Variants in MCM8 observed in about 807,000 individuals in gnomAD.
MCM8 encodes the protein minichromosome maintenance 8 homologous recombination repair factor.
A neutral mutation model predicts 98.9 loss-of-function variants in MCM8; 85 were observed. The ratio of observed to expected loss-of-function variants is 0.86; its 90% CI spans 0.72 to 1.03. The LOEUF is 1.03. Ranked by LOEUF, MCM8 falls within the 50% of genes least tolerant of loss-of-function variation. The pLI, the probability that MCM8 is intolerant of heterozygous loss-of-function variation, is 0.00. For missense variants in MCM8, 951 were observed against 997.8 expected, an observed-to-expected ratio of 0.95 and a Z score of 0.63; for synonymous variants, 352 against 338.6, an observed-to-expected ratio of 1.04 and a Z score of -0.44.
intron 13 of MCM8, among the ~76,000 whole-genome samples, chr20:5,979,518 A>G (rs1055525013): frequency 6.6e-6 from 1 of 152,172 alleles, no homozygotes; most frequent in Non-Finnish European, 1.5e-5. Context: ...TTTCAAATCT[A>G]TTTTCACAGT....
rs1299238831 is a variant in MCM8, at chr20:5,986,134, T to C, written c.2163+3T>C. 6.2e-7 allele frequency: 1 copy of C among 1,613,830 alleles called. No individual in the cohort carries two copies. Among genetic ancestry groups the C allele is most frequent in the Non-Finnish European group, 8.5e-7 (1 of 1,179,896 alleles). ...AATCTTTGATTCGTCTGACAGAGGT[T>C]TGTTTCTTTTTATGGTCATGCTTTT... On this transcript the variant is annotated splice_donor_region_variant and intron_variant, in intron 16 of 18. Coordinates refer to ENST00000610722, the MANE Select transcript of MCM8 (RefSeq NM_032485.6).
intron 8 of MCM8, among the ~76,000 whole-genome samples, chr20:5,964,864 C>G (rs968000585): frequency 8.5e-5 from 13 of 152,162 alleles, no homozygotes; most frequent in African/African-American, 2.4e-4. Context: ...GCTTTAATAA[C>G]ATGTGCATGT....
At position 5,962,352 on chromosome 20, in the gene MCM8, C is replaced by CTTTTTTTTTTTTT. The variant is rs926577182; in HGVS notation, c.790-901_790-889dup. Among the ~76,000 whole-genome samples, 5 of 40,580 alleles carry CTTTTTTTTTTTTT rather than the reference C, an allele frequency of 1.2e-4. 2 individuals carry two copies. Among genetic ancestry groups the CTTTTTTTTTTTTT allele is most frequent in the Non-Finnish European group, 1.4e-4 (4 of 28,264 alleles). 26.6% of individuals were successfully genotyped at this position (40,580 alleles called of 152,430 possible). On this transcript the variant is annotated intron_variant, in intron 7 of 18. Coordinates refer to ENST00000610722, the MANE Select transcript of MCM8 (RefSeq NM_032485.6). ...CAGGAGAAGGAATTAGCCTTCATTTCTTTTTTTTTTTTTTTTTTTTTTTTT... is the reference window on the plus strand; with the variant it reads ...CAGGAGAAGGAATTAGCCTTCATTTCTTTTTTTTTTTTTTTTTTTTTTTTTTTTTTTTTTTTTT...
chr20:5,994,768 G>C lies in MCM8; in HGVS notation c.*377G>C. On this transcript the variant is annotated 3_prime_UTR_variant, in exon 19 of 19. Transcript: ENST00000610722. The stretch of plus-strand genomic sequence containing the variant: ...AAAAAAAAAATTTAAACTTAGCTGG[G>C]TATGGTGGCACATGCCTATAGTCTC... The C allele has an allele frequency of 2.2e-6, 1 of 450,034 alleles. No homozygotes were observed. The highest frequency in any genetic ancestry group is 1.6e-5 in the South Asian group (1 of 63,608). The allele number at this position is 450,034 out of a possible 1,614,324, so 27.9% of individuals were successfully genotyped here. A position where few individuals can be genotyped will look rare whatever the true frequency, so the allele number is the denominator to read the frequency against.
rs1040505228 is a variant in MCM8 at position 5,950,715 on chromosome 20, C to T, written c.-314C>T. 3.6e-6 allele frequency: 1 copy of T among 276,944 alleles called. No individual in the cohort carries two copies. The highest frequency in any genetic ancestry group is 6.9e-6 in the Non-Finnish European group (1 of 145,498). 17.2% of individuals were successfully genotyped at this position (276,944 alleles called of 1,614,324 possible). A position where few individuals can be genotyped will look rare whatever the true frequency, so the allele number is the denominator to read the frequency against. ...AATTTAGGGGAAGACCTGATTTTCG[C>T]TTGAGGCATTTTTGCGGCGCTGTGC... On this transcript the variant is annotated 5_prime_UTR_variant, in exon 1 of 19. Coordinates refer to ENST00000610722, the MANE Select transcript of MCM8 (RefSeq NM_032485.6).
intron 16 of MCM8, among the ~76,000 whole-genome samples, chr20:5,986,504 C>G (rs761868375): frequency 7.9e-5 from 12 of 152,146 alleles, no homozygotes; most frequent in Non-Finnish European, 1.6e-4. Flanking sequence ...TTTTACATGA[C>G]AGGTCCACAA....
chr20:5,950,723 A>AT lies in MCM8; in HGVS notation c.-301dup, dbSNP rs1256873671. On this transcript the variant is annotated 5_prime_UTR_variant, in exon 1 of 19. Coordinates refer to ENST00000610722, the MANE Select transcript of MCM8 (RefSeq NM_032485.6). ...GGAAGACCTGATTTTCGCTTGAGGC[A>AT]TTTTTGCGGCGCTGTGCGCTACAGA... 3 of 255,070 alleles carry AT rather than the reference A, an allele frequency of 1.2e-5. No homozygotes were observed. Among genetic ancestry groups the AT allele is most frequent in the Non-Finnish European group, 2.3e-5 (3 of 131,472 alleles). The allele number at this position is 255,070 out of a possible 1,614,324, so 15.8% of individuals were successfully genotyped here.
rs35102646 is a variant in MCM8 at position 5,963,339 on chromosome 20, G to T, written c.855G>T (p.Thr285=). 2.1e-5 allele frequency: 34 copies of T among 1,613,698 alleles called. No homozygotes were observed. In the Admixed American group the frequency reaches 2.2e-4, roughly 10 times the overall value. The part of the protein sequence containing the change: ...TALRSSPLTV[T]MDWQSIKIQE... ...TCCGCAGCTCTCCTCTCACAGTTAC[G>T]ATGGACTGGCAGTCAATCAAGTAAG... is the stretch of plus-strand genomic sequence containing the variant. Residue 285 remains threonine (T), a synonymous_variant, in exon 8 of 19, where the codon ACG becomes ACT. Coordinates refer to ENST00000610722, the MANE Select transcript of MCM8 (RefSeq NM_032485.6).
chr20:5,953,438 G>GGTGTGTGTGTGT (rs11470045), intron 3 of MCM8, among the ~76,000 whole-genome samples: 96 of 146,294 alleles, frequency 6.6e-4, no homozygotes, highest in African/African-American at 2.4e-3. Context: ...TCTCATGAGG[G>GGTGTGTGTGTGT]GTGTGTGTGT....
At position 5,993,690 on chromosome 20, in the gene MCM8, A is replaced by G. The variant is rs1260766170; in HGVS notation, c.2425A>G (p.Ile809Val). Residue 809 changes from isoleucine (I) to valine (V), a missense_variant, in exon 18 of 19, where the codon ATT becomes GTT. Physicochemically the swap from Ile to Val is conservative, Grantham distance 29. Coordinates refer to ENST00000610722, the MANE Select transcript of MCM8 (RefSeq NM_032485.6). ...TCGGCAGATTGCCAAAGAACTAAAC[A>G]TTCAGGTATGTTAAACTAGTTAATC... ...QLRQIAKELNIQVADFENFIG... is the reference protein window; with the variant it reads ...QLRQIAKELNVQVADFENFIG... 2 of 1,598,380 alleles carry G rather than the reference A, an allele frequency of 1.3e-6. No individual in the cohort carries two copies. Among genetic ancestry groups the G allele is most frequent in the African/African-American group, 1.3e-5 (1 of 74,560 alleles).
At chr20:5,973,384 C>G (rs555122700) in intron 12 of MCM8, among the ~76,000 whole-genome samples, 188 bp downstream of exon 12, 3 of 152,204 alleles carry the variant, frequency 2.0e-5, no homozygotes, top group Non-Finnish European at 4.4e-5. Flanking sequence ...GAGCCAGTCT[C>G]CTGTTACAGA....
chr20:5,957,254 A>G (rs1319872966), intron 6 of MCM8, 25 bp downstream of exon 6: 2 of 1,544,024 alleles, frequency 1.3e-6, no homozygotes, highest in African/African-American at 1.4e-5. Context: ...GTATTAAAGT[A>G]TTACTTAGAA....
At chr20:5,969,538 T>A (rs1382693261) in intron 10 of MCM8, among the ~76,000 whole-genome samples, 2 of 150,052 alleles carry the variant, frequency 1.3e-5, no homozygotes, top group African/African-American at 4.9e-5. Context: ...GTTGCAGTGA[T>A]CTGAAATCGC....
At position 5,994,759 on chromosome 20, in the gene MCM8, C is replaced by G. The variant is rs935539778; in HGVS notation, c.*368C>G. 2 of 443,898 alleles carry G rather than the reference C, an allele frequency of 4.5e-6. No homozygotes were observed. Among genetic ancestry groups the G allele is most frequent in the Non-Finnish European group, 8.9e-6 (2 of 223,604 alleles). The allele number at this position is 443,898 out of a possible 1,614,324, so 27.5% of individuals were successfully genotyped here. On this transcript the variant is annotated 3_prime_UTR_variant, in exon 19 of 19. Coordinates refer to ENST00000610722, the MANE Select transcript of MCM8 (RefSeq NM_032485.6). ...TAAAAAAAAAAAAAAAAAATTTAAA[C>G]TTAGCTGGGTATGGTGGCACATGCC...
chr20:5,954,118 A>G (rs888419263), intron 3 of MCM8, among the ~76,000 whole-genome samples: 11 of 152,130 alleles, frequency 7.2e-5, no homozygotes, highest in Admixed American at 5.9e-4. Flanking sequence ...TGTGAGAGAC[A>G]TATTTGAAAA....
chr20:5,989,354 G>A (rs2089799300), intron 17 of MCM8, among the ~76,000 whole-genome samples: 2 of 152,014 alleles, frequency 1.3e-5, no homozygotes, highest in East Asian at 1.9e-4. Flanking sequence ...GGCCTTAAGT[G>A]ATCTGCCTGC....
intron 1 of MCM8, among the ~76,000 whole-genome samples, chr20:5,951,539 A>C (rs2088823547): frequency 6.6e-6 from 1 of 152,216 alleles, no homozygotes; most frequent in African/African-American, 2.4e-5. Context: ...AAAACTGCAC[A>C]AAAAATGGAT....
rs1357491579 is a variant in MCM8, at chr20:5,964,135, TTG to T, written c.875+777_875+778del. Among the ~76,000 whole-genome samples the T allele has an allele frequency of 3.4e-4, 49 of 144,114 alleles. No homozygotes were observed. In the East Asian group the frequency reaches 9.3e-3, roughly 27 times the overall value. The allele number at this position is 144,114 out of a possible 152,430, so 94.5% of individuals were successfully genotyped here. ...TTTTAATAGCTTTTTTTTTTTTTTT[TTG>T]CAAGTCAGAGTTTTCTTTGTGTATG... is the stretch of plus-strand genomic sequence containing the variant. On this transcript the variant is annotated intron_variant, in intron 8 of 18. Coordinates refer to ENST00000610722, the MANE Select transcript of MCM8 (RefSeq NM_032485.6).
Position 5,975,738 on chromosome 20 carries a change from C to T in MCM8, c.1396-2138C>T, listed in dbSNP as rs112993001. ...GTCTCCATCTCCTGACCTTGTGATC[C>T]GCCCGCCTCAGCCTCCCAAAGTGCT... On this transcript the variant is annotated intron_variant, in intron 12 of 18. Transcript: ENST00000610722. Among the ~76,000 whole-genome samples the T allele has an allele frequency of 0.014, 2,115 of 151,602 alleles. 153 individuals carry two copies. In the East Asian group the frequency reaches 0.23, roughly 17 times the overall value.
Sources: allele counts gnomAD v4.1 joint callset (sites outside exome capture counted in the v4.1 genomes callset), GRCh38; gene constraint gnomAD v4.1.1; transcripts MANE v1.5; gene names NCBI Gene and HGNC (gene_info 2026-07-23, HGNC 2026-07-21).